The following ABHD16A variants were observed in gnomAD, a reference collection of about 807,000 sequenced individuals.
ABHD16A encodes abhydrolase domain containing 16A, phospholipase.
In ABHD16A, 47 loss-of-function variants were observed where a neutral mutation model predicts 89.8. That is an observed-to-expected ratio of 0.52 (90% CI 0.41 to 0.67). The LOEUF is 0.67. Among genes scored for constraint, ABHD16A ranks in the 30% least tolerant of loss-of-function variants. ABHD16A has a pLI of 0.00. For missense variants in ABHD16A, 580 were observed against 734.6 expected, an observed-to-expected ratio of 0.79 and a Z score of 2.43; for synonymous variants, 251 against 280.4, an observed-to-expected ratio of 0.90 and a Z score of 1.05.
chr6:31,691,897 TAGG>T lies in ABHD16A; in HGVS notation c.645_647del (p.Leu216del). On this transcript the variant is annotated inframe_deletion, in exon 8 of 20. Coordinates refer to ENST00000395952, the MANE Select transcript of ABHD16A (RefSeq NM_021160.3). ...AGCCTGGATACAGCATCCGGCGCCC[TAGG>T]GTGTGCGCCACCAGGTAGCTGTGGG... is the stretch of plus-strand genomic sequence containing the variant. 1 of 1,609,560 alleles carries T rather than the reference TAGG, an allele frequency of 6.2e-7. No individual in the cohort carries two copies. Among genetic ancestry groups the T allele is most frequent in the Non-Finnish European group, 8.5e-7 (1 of 1,179,002 alleles).
chr6:31,691,504 A>G, intron 9 of ABHD16A, 75 bp downstream of exon 9: 2 of 1,366,030 alleles, frequency 1.5e-6, no homozygotes, highest in Admixed American at 3.7e-5. Flanking sequence ...GGGAGGTGCT[A>G]TAGCATTGGG....
rs1008722141 is a variant in ABHD16A, at chr6:31,690,414, C to G, written c.907+125G>C. Reference sequence around the variant, plus strand: ...AAGCAAATGGCGAGTGGACTTTTCCCTAAAGCTGAGAGACTCAAAACCTCA... The same window carrying G: ...AAGCAAATGGCGAGTGGACTTTTCCGTAAAGCTGAGAGACTCAAAACCTCA... On this transcript the variant is annotated intron_variant, in intron 10 of 19. Coordinates refer to ENST00000395952, the MANE Select transcript of ABHD16A (RefSeq NM_021160.3). The surrounding 1 kb of genome is among the most constrained non-coding windows in gnomAD (Gnocchi z 4.1). The G allele has an allele frequency of 9.1e-7, 1 of 1,098,526 alleles. No individual in the cohort carries two copies. Among genetic ancestry groups the G allele is most frequent in the African/African-American group, 1.6e-5 (1 of 64,128 alleles). The allele number at this position is 1,098,526 out of a possible 1,614,324, so 68.0% of individuals were successfully genotyped here. A position where few individuals can be genotyped will look rare whatever the true frequency, so the allele number is the denominator to read the frequency against.
At chr6:31,689,861 G>A (rs2151226383) in intron 11 of ABHD16A, among the ~76,000 whole-genome samples, 157 bp from the exon 12 acceptor site, 1 of 152,344 alleles carries the variant, frequency 6.6e-6, no homozygotes, top group South Asian at 2.1e-4. Context: ...GAAGACGGAT[G>A]TGTACAATGA....
chr6:31,693,003 C>T lies in ABHD16A; in HGVS notation c.626+24G>A, dbSNP rs1198218736. On this transcript the variant is annotated intron_variant, in intron 7 of 19. Transcript: ENST00000395952. This position sits in a 1 kb window ranked among gnomAD's most constrained non-coding sequence, Gnocchi z 5.0. Reference sequence around the variant, plus strand: ...GAAATGGCCCCTCCACCCCAGTGGGCCTCTCCTCGCTGCTGTTTCCCACCT... The same window carrying T: ...GAAATGGCCCCTCCACCCCAGTGGGTCTCTCCTCGCTGCTGTTTCCCACCT... 1 of 1,614,228 alleles carries T rather than the reference C, an allele frequency of 6.2e-7. No homozygotes were observed. Among genetic ancestry groups the T allele is most frequent in the South Asian group, 1.1e-5 (1 of 91,082 alleles).
At chr6:31,691,739 T>TGGG in intron 8 of ABHD16A, 59 bp from the exon 9 acceptor site, 3 of 86,976 alleles carry the variant, frequency 3.4e-5, no homozygotes, top group Non-Finnish European at 7.0e-5. Flanking sequence ...ATCACAGGGG[T>TGGG]GGGGCGGGGT....
chr6:31,690,269 G>C lies in ABHD16A; in HGVS notation c.908-142C>G, dbSNP rs1035099241. 4.9e-6 allele frequency: 4 copies of C among 809,354 alleles called. No homozygotes were observed. Among genetic ancestry groups the C allele is most frequent in the Non-Finnish European group, 5.8e-6 (3 of 518,080 alleles). The allele number at this position is 809,354 out of a possible 1,614,324, so 50.1% of individuals were successfully genotyped here. A position where few individuals can be genotyped will look rare whatever the true frequency, so the allele number is the denominator to read the frequency against. ...CCCAGAAATAGGAGATGACACCAGA[G>C]GTTCTGAGGCAGCACAGGGAGCAGC... On this transcript the variant is annotated intron_variant, in intron 10 of 19. Transcript: ENST00000395952. This position sits in a 1 kb window ranked among gnomAD's most constrained non-coding sequence, Gnocchi z 4.1.
Position 31,688,358 on chromosome 6 carries a change from A to G in ABHD16A, c.1251-53T>C. The G allele has an allele frequency of 1.3e-6, 2 of 1,554,126 alleles. No individual in the cohort carries two copies. The highest frequency in any genetic ancestry group is 1.8e-6 in the Non-Finnish European group (2 of 1,126,246). ...AGAGCTCAGAGGGAGACGGGTGACA[A>G]CTGGCCCACCCCTATCCCTGCACTG... is the stretch of plus-strand genomic sequence containing the variant. On this transcript the variant is annotated intron_variant, in intron 14 of 19. Transcript: ENST00000395952. This position sits in a 1 kb window ranked among gnomAD's most constrained non-coding sequence, Gnocchi z 4.9.
At chr6:31,697,570 T>G (rs1001632506) in intron 4 of ABHD16A, among the ~76,000 whole-genome samples, 1 of 152,140 alleles carries the variant, frequency 6.6e-6, no homozygotes, top group Non-Finnish European at 1.5e-5. Context: ...CTCAGCATTC[T>G]CCCTGTCCCT....
rs1054136037 is a variant in ABHD16A, at chr6:31,702,577, T to C, written c.133-447A>G. The C allele has an allele frequency of 4.2e-6, 6 of 1,418,682 alleles. No homozygotes were observed. In the African/African-American group the frequency reaches 7.3e-5, roughly 17 times the overall value. 87.9% of individuals were successfully genotyped at this position (1,418,682 alleles called of 1,614,324 possible). ...GGAGACAGTAACACAATGAGACAAC[T>C]GATAAAAAGGAAGAGAATATTTAGA... On this transcript the variant is annotated intron_variant, in intron 1 of 19. Transcript: ENST00000395952.
chr6:31,691,785 G>C lies in ABHD16A; in HGVS notation c.741+19C>G. On this transcript the variant is annotated intron_variant, in intron 8 of 19. Transcript: ENST00000395952. Reference sequence around the variant, plus strand: ...GAGAGGGGAGGGCTTTAGGGGATGTGCGGGCAGGGAAGCCTCACCTCTTCC... The same window carrying C: ...GAGAGGGGAGGGCTTTAGGGGATGTCCGGGCAGGGAAGCCTCACCTCTTCC... 3.7e-6 allele frequency: 6 copies of C among 1,600,796 alleles called. No homozygotes were observed. Among genetic ancestry groups the C allele is most frequent in the Non-Finnish European group, 5.1e-6 (6 of 1,173,254 alleles).
intron 12 of ABHD16A, 138 bp downstream of exon 12, chr6:31,689,443 T>G (rs898672277): frequency 3.1e-5 from 40 of 1,291,648 alleles, no homozygotes; most frequent in Admixed American, 6.1e-5. Context: ...GGATAGCTTC[T>G]TCCAGGCCCA....
intron 7 of ABHD16A, chr6:31,692,745 A>AC: frequency 2.8e-5 from 3 of 107,220 alleles, no homozygotes; most frequent in South Asian, 1.2e-4. Context: ...TGTCCTCCCC[A>AC]CCCCCACCCC....
In ABHD16A at chr6:31,698,784, A is replaced by G. The variant is rs1804628586; in HGVS notation, c.344-1751T>C. On this transcript the variant is annotated intron_variant, in intron 4 of 19. Coordinates refer to ENST00000395952, the MANE Select transcript of ABHD16A (RefSeq NM_021160.3). The surrounding 1 kb of genome is among the most constrained non-coding windows in gnomAD (Gnocchi z 4.1). ...GAGGAGAGAGCCCAGCCCTGCAGAG[A>G]TCAGGGGGCAGAACACCTCAGGCAG... Among the ~76,000 whole-genome samples, 2 of 152,206 alleles carry G rather than the reference A, an allele frequency of 1.3e-5. No homozygotes were observed. Among genetic ancestry groups the G allele is most frequent in the African/African-American group, 4.8e-5 (2 of 41,514 alleles).
chr6:31,687,251 T>G lies in ABHD16A; in HGVS notation c.1638A>C (p.Pro546=). 4 of 1,612,416 alleles carry G rather than the reference T, an allele frequency of 2.5e-6. No individual in the cohort carries two copies. Among genetic ancestry groups the G allele is most frequent in the Non-Finnish European group, 3.4e-6 (4 of 1,179,830 alleles). ...LHNFEATHCT[P]LPAQNFQMPW... ...GCATCTGGAAGTTCTGGGCTGGGAG[T>G]GGGGTGCAGTGAGTGGCCTCAAAGT... The change falls in exon 20 of 20, where the codon CCA becomes CCC. Residue 546 remains proline (P), a synonymous_variant. Coordinates refer to ENST00000395952, the MANE Select transcript of ABHD16A (RefSeq NM_021160.3). This position sits in a 1 kb window ranked among gnomAD's most constrained non-coding sequence, Gnocchi z 6.3.
Position 31,693,451 on chromosome 6 carries a change from G to A in ABHD16A, c.430-19C>T, listed in dbSNP as rs774128428. The A allele has an allele frequency of 2.5e-5, 41 of 1,612,292 alleles. No individual in the cohort carries two copies. The highest frequency in any genetic ancestry group is 5.3e-5 in the African/African-American group (4 of 74,896). ...GCTGCCTCTGCAGTGGGCACGAGAG[G>A]CAAAGGGGTACTGAGAACTCAGGGG... On this transcript the variant is annotated intron_variant, in intron 5 of 19. Transcript: ENST00000395952. This position sits in a 1 kb window ranked among gnomAD's most constrained non-coding sequence, Gnocchi z 5.0.
chr6:31,690,405 G>A lies in ABHD16A; in HGVS notation c.907+134C>T. 4 of 986,594 alleles carry A rather than the reference G, an allele frequency of 4.1e-6. No individual in the cohort carries two copies. In the East Asian group the frequency reaches 7.2e-5, roughly 18 times the overall value. 61.1% of individuals were successfully genotyped at this position (986,594 alleles called of 1,614,324 possible). A position where few individuals can be genotyped will look rare whatever the true frequency, so the allele number is the denominator to read the frequency against. On this transcript the variant is annotated intron_variant, in intron 10 of 19. Transcript: ENST00000395952. The surrounding 1 kb of genome is among the most constrained non-coding windows in gnomAD (Gnocchi z 4.1). Reference sequence around the variant, plus strand: ...AGGTTATCAAAGCAAATGGCGAGTGGACTTTTCCCTAAAGCTGAGAGACTC... The same window carrying A: ...AGGTTATCAAAGCAAATGGCGAGTGAACTTTTCCCTAAAGCTGAGAGACTC...
intron 5 of ABHD16A, 135 bp downstream of exon 5, chr6:31,696,813 G>T: frequency 1.2e-6 from 1 of 817,264 alleles, no homozygotes; most frequent in Non-Finnish European, 2.0e-6. Flanking sequence ...ACAGCAATGT[G>T]CAAGCAAACA....
At chr6:31,697,085 C>T (rs1804473062) in intron 4 of ABHD16A, 52 bp from the exon 5 acceptor site, 1 of 1,539,400 alleles carries the variant, frequency 6.5e-7, no homozygotes, top group African/African-American at 1.4e-5. Context: ...AAGCAGAAAG[C>T]CTAGGTTTTA....
rs563378780 is a variant in ABHD16A, at chr6:31,690,748, C to T, written c.844-146G>A. On this transcript the variant is annotated intron_variant, in intron 9 of 19. Coordinates refer to ENST00000395952, the MANE Select transcript of ABHD16A (RefSeq NM_021160.3). The surrounding 1 kb of genome is among the most constrained non-coding windows in gnomAD (Gnocchi z 4.1). ...TTCTCCAAGGGGAATGGAAGCTTCTCATTCCACAGGGTCCATAAGAGGAGA... is the reference window on the plus strand; with the variant it reads ...TTCTCCAAGGGGAATGGAAGCTTCTTATTCCACAGGGTCCATAAGAGGAGA... The T allele has an allele frequency of 2.8e-6, 2 of 712,424 alleles. No homozygotes were observed. Among genetic ancestry groups the T allele is most frequent in the East Asian group, 2.7e-5 (1 of 37,686 alleles). 44.1% of individuals were successfully genotyped at this position (712,424 alleles called of 1,614,324 possible).
Sources: gnomAD v4.1 joint callset for allele counts (sites outside exome capture counted in the v4.1 genomes callset) on GRCh38, gnomAD v4.1.1 for gene constraint, Gnocchi (gnomAD v3.1) non-coding constraint, MANE v1.5 for transcripts, NCBI Gene and HGNC (gene_info 2026-07-23, HGNC 2026-07-21) for gene names.